The following RAE1 variants were observed in gnomAD, a reference collection of about 807,000 sequenced individuals.
RAE1 encodes ribonucleic acid export 1.
RAE1 carries 13 observed loss-of-function variants against 52.7 expected under a neutral mutation model. The ratio of observed to expected loss-of-function variants is 0.25; its 90% CI spans 0.16 to 0.39. The LOEUF (loss-of-function observed/expected upper bound fraction) is 0.39, where lower values mean the gene tolerates loss of function less well. Ranked by LOEUF, RAE1 falls within the 10% of genes least tolerant of loss-of-function variation. RAE1 has a pLI of 1.00. For synonymous variants in RAE1, 164 were observed against 153.1 expected (o/e 1.07, Z -0.52); for missense variants, 262 against 459.8 (o/e 0.57, Z 3.93).
chr20:57,358,812 G>T, intron 4 of RAE1: 1 of 443,318 alleles, frequency 2.3e-6, no homozygotes, highest in Non-Finnish European at 3.9e-6. Flanking sequence ...AGACTTGTGT[G>T]GTCTTAGGTT....
In RAE1 at chr20:57,354,360, G is replaced by T. The variant is rs1469083496; in HGVS notation, c.90+232G>T. Among the ~76,000 whole-genome samples, 3 of 152,346 alleles carry T rather than the reference G, an allele frequency of 2.0e-5. No individual in the cohort carries two copies. The East Asian group carries it at 5.8e-4, about 29-fold the overall frequency. ...CACCCAAGGTGCAGATTCCGGTGCA[G>T]ATTCCCAGGGCCTGGCCCAGCCAGG... On this transcript the variant is annotated intron_variant, in intron 2 of 11. Coordinates refer to ENST00000395841, the MANE Select transcript of RAE1 (RefSeq NM_003610.4).
chr20:57,373,406 T>A, intron 8 of RAE1, 69 bp from the exon 9 acceptor site: 1 of 1,478,146 alleles, frequency 6.8e-7, no homozygotes, highest in Non-Finnish European at 9.3e-7. Flanking sequence ...TAAAAATGAC[T>A]TACCTTCACG....
chr20:57,373,479 G>A lies in RAE1; in HGVS notation c.647G>A (p.Arg216Gln), dbSNP rs1234422525. The change falls in exon 9 of 12, where the codon CGG becomes CAG. Residue 216 changes from arginine (R) to glutamine (Q), a missense_variant. Physicochemically the swap from Arg to Gln is conservative, Grantham distance 43. Transcript: ENST00000395841. ...RIESPLKHQHRCVAIFKDKQN... is the reference protein window; with the variant it reads ...RIESPLKHQHQCVAIFKDKQN... The stretch of plus-strand genomic sequence containing the variant: ...TCTTTTTTATTTTAACTGTAGCATC[G>A]GTGTGTGGCTATTTTTAAAGACAAA... 5 of 1,612,392 alleles carry A rather than the reference G, an allele frequency of 3.1e-6. No individual in the cohort carries two copies. Among genetic ancestry groups the A allele is most frequent in the East Asian group, 2.2e-5 (1 of 44,882 alleles).
At chr20:57,370,830 G>A (rs1312099741) in intron 8 of RAE1, among the ~76,000 whole-genome samples, 2 of 152,158 alleles carry the variant, frequency 1.3e-5, no homozygotes, top group Non-Finnish European at 1.5e-5. Context: ...CTTGGAGGAG[G>A]GCCTTAAGTG....
intron 1 of RAE1, among the ~76,000 whole-genome samples, chr20:57,353,040 TC>T (rs1327114326): frequency 2.0e-5 from 3 of 152,212 alleles, no homozygotes; most frequent in Non-Finnish European, 4.4e-5. Flanking sequence ...TTCCCCAAAT[TC>T]CTTGCAGTTT....
At position 57,351,376 on chromosome 20, in the gene RAE1, AC is replaced by A. The variant is rs1381224640; in HGVS notation, c.-51del. 1.0e-6 allele frequency: 1 copy of A among 985,060 alleles called. No homozygotes were observed. The highest frequency in any genetic ancestry group is 1.2e-6 in the Non-Finnish European group (1 of 829,900). The allele number at this position is 985,060 out of a possible 1,614,324, so 61.0% of individuals were successfully genotyped here. A position where few individuals can be genotyped will look rare whatever the true frequency, so the allele number is the denominator to read the frequency against. ...CAGAGCAGGTTCGCAAACTCCTCAG[AC>A]CCTTCTGCTCCCGGCCGCCGCTTTC... On this transcript the variant is annotated 5_prime_UTR_variant, in exon 1 of 12. Transcript: ENST00000395841.
intron 1 of RAE1, 100 bp from the exon 2 acceptor site, chr20:57,353,932 C>A: frequency 9.5e-7 from 1 of 1,049,156 alleles, no homozygotes; most frequent in Non-Finnish European, 1.4e-6. Context: ...TGGCCTCAAG[C>A]CACTTTGAGT....
intron 4 of RAE1, among the ~76,000 whole-genome samples, chr20:57,362,411 CTTATTT>C (rs2066903103): frequency 2.0e-5 from 3 of 152,258 alleles, no homozygotes; most frequent in South Asian, 4.1e-4. Flanking sequence ...TCATATGCAA[CTTATTT>C]TTAGTTTACA....
chr20:57,368,913 T>G (rs559053811), intron 8 of RAE1, 101 bp downstream of exon 8: 3 of 966,068 alleles, frequency 3.1e-6, no homozygotes, highest in African/African-American at 3.2e-5. Context: ...AACCTGTAAG[T>G]ATGTTCAAAG....
chr20:57,365,841 A>T (rs1193996645), intron 5 of RAE1, among the ~76,000 whole-genome samples: 1 of 152,232 alleles, frequency 6.6e-6, no homozygotes, highest in African/African-American at 2.4e-5. Flanking sequence ...TGGGCCAGTA[A>T]TAGAGCAGCG....
chr20:57,351,516 C>T (rs1186326363), intron 1 of RAE1, 94 bp downstream of exon 1: 1 of 985,466 alleles, frequency 1.0e-6, no homozygotes, highest in African/African-American at 1.7e-5. Flanking sequence ...CTGCGGGATG[C>T]TGGGGCGCGA....
intron 4 of RAE1, among the ~76,000 whole-genome samples, chr20:57,357,036 C>G (rs6099573): frequency 1.3e-5 from 2 of 152,354 alleles, no homozygotes; most frequent in East Asian, 3.9e-4. Context: ...GTTAAGGGGC[C>G]TGGTGACAGG....
chr20:57,359,095 A>T (rs2066848913), intron 4 of RAE1: 5 of 1,284,470 alleles, frequency 3.9e-6, no homozygotes, highest in Non-Finnish European at 5.2e-6. Flanking sequence ...CACGGTCAGG[A>T]TACCACAGCT....
Position 57,351,389 on chromosome 20 carries a change from C to G in RAE1, c.-41C>G. On this transcript the variant is annotated 5_prime_UTR_variant, in exon 1 of 12. Transcript: ENST00000395841. ...CAAACTCCTCAGACCCTTCTGCTCCCGGCCGCCGCTTTCCGCCGGGGCGAG... is the reference window on the plus strand; with the variant it reads ...CAAACTCCTCAGACCCTTCTGCTCCGGGCCGCCGCTTTCCGCCGGGGCGAG... 1 of 985,508 alleles carries G rather than the reference C, an allele frequency of 1.0e-6. No individual in the cohort carries two copies. The highest frequency in any genetic ancestry group is 5.2e-4 in the Middle Eastern group (1 of 1,914). The allele number at this position is 985,508 out of a possible 1,614,324, so 61.0% of individuals were successfully genotyped here. A position where few individuals can be genotyped will look rare whatever the true frequency, so the allele number is the denominator to read the frequency against.
Position 57,373,708 on chromosome 20 carries a change from C to T in RAE1, c.795C>T (p.Thr265=), listed in dbSNP as rs1285606667. 1 of 1,614,084 alleles carries T rather than the reference C, an allele frequency of 6.2e-7. No homozygotes were observed. The highest frequency in any genetic ancestry group is 1.7e-5 in the Admixed American group (1 of 60,012). ...TTAAATGTCATCGATCTAATGGAAC[C>T]AACACTTCAGCTCCTCAGGACATTT... The part of the protein sequence containing the change: ...FTFKCHRSNG[T]NTSAPQDIYA... The change falls in exon 10 of 12, where the codon ACC becomes ACT. Residue 265 remains threonine (T), a synonymous_variant. Transcript: ENST00000395841.
intron 7 of RAE1, among the ~76,000 whole-genome samples, chr20:57,368,395 G>A (rs563185508): frequency 4.8e-4 from 73 of 152,318 alleles, no homozygotes; most frequent in African/African-American, 1.5e-3. Context: ...CAAGTATAAC[G>A]CTGAGAACAA....
chr20:57,373,470 T>C lies in RAE1; in HGVS notation c.643-5T>C, dbSNP rs369467002. The C allele has an allele frequency of 1.2e-5, 19 of 1,609,970 alleles. No individual in the cohort carries two copies. The highest frequency in any genetic ancestry group is 1.6e-5 in the Non-Finnish European group (19 of 1,176,780). On this transcript the variant is annotated splice_polypyrimidine_tract_variant and splice_region_variant and intron_variant, in intron 8 of 11. Coordinates refer to ENST00000395841, the MANE Select transcript of RAE1 (RefSeq NM_003610.4). ...GATTATGTCTCTTTTTTATTTTAAC[T>C]GTAGCATCGGTGTGTGGCTATTTTT...
chr20:57,351,987 G>T, intron 1 of RAE1: 1 of 985,204 alleles, frequency 1.0e-6, no homozygotes, highest in Non-Finnish European at 1.2e-6. Context: ...ATGCATTAAG[G>T]GAAGAATCCA....
At chr20:57,365,775 C>G (rs1442501651) in intron 5 of RAE1, among the ~76,000 whole-genome samples, 1 of 152,168 alleles carries the variant, frequency 6.6e-6, no homozygotes, top group East Asian at 1.9e-4. Context: ...TCGTGCATGG[C>G]TGGTCTTCTA....
Sources: gnomAD v4.1 joint callset for allele counts (sites outside exome capture counted in the v4.1 genomes callset) on GRCh38, gnomAD v4.1.1 for gene constraint, MANE v1.5 for transcripts, NCBI Gene and HGNC (gene_info 2026-07-23, HGNC 2026-07-21) for gene names.